Variants in CACNA1C observed in about 807,000 individuals in gnomAD.
CACNA1C encodes the protein voltage-dependent L-type calcium channel subunit alpha-1C.
A neutral mutation model predicts 229.0 loss-of-function variants in CACNA1C; 30 were observed. The observed-to-expected ratio is 0.13, with a 90% CI of 0.10 to 0.18. CACNA1C has a LOEUF of 0.18. Among genes scored for constraint, CACNA1C ranks in the 10% least tolerant of loss-of-function variants. The pLI is 1.00. For missense variants in CACNA1C, 1,658 were observed against 2,845.0 expected (o/e 0.58, Z 9.49); for synonymous variants, 1,114 against 1,132.5 (o/e 0.98, Z 0.33).
At position 2,285,758 on chromosome 12, in the gene CACNA1C, G is replaced by C. The variant is rs576317170; in HGVS notation, c.478-163218G>C. ...CAACCTGTTGCTAACGTGCTCATTC[G>C]AGAGAGGCTGGTGCGCACCTACCCA... On this transcript the variant is annotated intron_variant, in intron 3 of 46. Coordinates refer to ENST00000399655, the MANE Select transcript of CACNA1C (RefSeq NM_000719.7). This position sits in a 1 kb window ranked among gnomAD's most constrained non-coding sequence, Gnocchi z 4.2. Among the ~76,000 whole-genome samples, 1 of 152,144 alleles carries C rather than the reference G, an allele frequency of 6.6e-6. No homozygotes were observed. Among genetic ancestry groups the C allele is most frequent in the Non-Finnish European group, 1.5e-5 (1 of 68,036 alleles).
At chr12:2,621,306 G>A (rs1297763823) in intron 29 of CACNA1C, among the ~76,000 whole-genome samples, 2 of 152,128 alleles carry the variant, frequency 1.3e-5, no homozygotes, top group Non-Finnish European at 2.9e-5. Context: ...GGTCAGGAAG[G>A]CACCATTTCT....
intron 3 of CACNA1C, among the ~76,000 whole-genome samples, chr12:2,331,034 C>G (rs1021593533): frequency 6.6e-6 from 1 of 152,028 alleles, no homozygotes; most frequent in African/African-American, 2.4e-5. Context: ...AAGTACTTAC[C>G]ACGAATGTAG....
chr12:2,231,269 T>C (rs955893845), intron 3 of CACNA1C, among the ~76,000 whole-genome samples: 6 of 152,250 alleles, frequency 3.9e-5, no homozygotes, highest in African/African-American at 1.4e-4. Context: ...CCAGTGCTTT[T>C]AACATAATAG....
chr12:2,216,296 A>G (rs959653467), intron 3 of CACNA1C, among the ~76,000 whole-genome samples: 1 of 152,108 alleles, frequency 6.6e-6, no homozygotes, highest in Non-Finnish European at 1.5e-5. Flanking sequence ...AAAGGACTAG[A>G]TTATAATTAC....
At chr12:2,090,387 G>T (rs534489861) in intron 1 of CACNA1C, among the ~76,000 whole-genome samples, 1 of 128,674 alleles carries the variant, frequency 7.8e-6, no homozygotes, top group East Asian at 2.4e-4. Flanking sequence ...GCATGATCTC[G>T]GCTCACTGCA....
chr12:2,303,321 T>C (rs1592178430), intron 3 of CACNA1C, among the ~76,000 whole-genome samples: 1 of 152,178 alleles, frequency 6.6e-6, no homozygotes, highest in Non-Finnish European at 1.5e-5. Context: ...ATCAAGGTGG[T>C]GCAGGGTTGC....
rs1555574733 is a variant in CACNA1C, at chr12:2,438,359, A to ATGATGATGGTGGTGG, written c.478-10612_478-10611insATGGTGGTGGTGATG. ...GATGATAATGATGATGGTGGTGGTA[A>ATGATGATGGTGGTGG]TGATGGTGGTGGTGGTGATGGTGGT... On this transcript the variant is annotated intron_variant, in intron 3 of 46. Transcript: ENST00000399655. Among the ~76,000 whole-genome samples the ATGATGATGGTGGTGG allele has an allele frequency of 2.1e-3, 284 of 137,266 alleles. 3 individuals carry two copies. The highest frequency in any genetic ancestry group is 7.0e-3 in the African/African-American group (251 of 35,830). 90.1% of individuals were successfully genotyped at this position (137,266 alleles called of 152,430 possible). A position where few individuals can be genotyped will look rare whatever the true frequency, so the allele number is the denominator to read the frequency against.
intron 4 of CACNA1C, 116 bp from the exon 5 acceptor site, chr12:2,457,451 C>A: frequency 9.0e-7 from 1 of 1,116,042 alleles, no homozygotes; most frequent in East Asian, 2.5e-5. Context: ...ACGCCCGCCC[C>A]TGGGCTGGAG....
At chr12:2,175,853 C>T (rs1251831286) in intron 3 of CACNA1C, among the ~76,000 whole-genome samples, 1 of 152,048 alleles carries the variant, frequency 6.6e-6, no homozygotes, top group Non-Finnish European at 1.5e-5. Flanking sequence ...TGAGTTGGTC[C>T]CTTGCAAAGG....
At chr12:2,570,094 T>C (rs1039498438) in intron 13 of CACNA1C, among the ~76,000 whole-genome samples, 6 of 152,218 alleles carry the variant, frequency 3.9e-5, no homozygotes, top group Non-Finnish European at 7.3e-5. Flanking sequence ...TGATCAACCT[T>C]AGAAGACATA....
intron 3 of CACNA1C, among the ~76,000 whole-genome samples, chr12:2,399,323 C>T (rs989320019): frequency 2.6e-5 from 4 of 152,202 alleles, no homozygotes; most frequent in Admixed American, 6.5e-5. Flanking sequence ...CAGCCTTTTA[C>T]CCCCTGTCCT....
At chr12:2,437,788 G>A (rs1449029792) in intron 3 of CACNA1C, among the ~76,000 whole-genome samples, 3 of 149,462 alleles carry the variant, frequency 2.0e-5, no homozygotes, top group African/African-American at 7.5e-5. Context: ...AGGTGGTGAT[G>A]GTGGTGGTGG....
intron 1 of CACNA1C, among the ~76,000 whole-genome samples, chr12:2,092,248 C>T (rs1423697570): frequency 6.6e-6 from 1 of 152,184 alleles, no homozygotes; most frequent in African/African-American, 2.4e-5. Flanking sequence ...ATCCTTGGAA[C>T]AAACAAATGG....
At chr12:2,017,133 T>C (rs1412234217) in intron 1 of CACNA1C, among the ~76,000 whole-genome samples, 1 of 152,104 alleles carries the variant, frequency 6.6e-6, no homozygotes, top group Admixed American at 6.5e-5. Flanking sequence ...CTGGCTACAA[T>C]TTAGAAAATT....
chr12:2,470,078 C>T (rs1388922246), intron 5 of CACNA1C, among the ~76,000 whole-genome samples: 2 of 152,340 alleles, frequency 1.3e-5, no homozygotes, highest in East Asian at 3.9e-4. Context: ...CCTGAGGTGT[C>T]ATGACAGAGT....
At chr12:2,111,692 G>A (rs2081827282) in intron 1 of CACNA1C, among the ~76,000 whole-genome samples, 1 of 152,160 alleles carries the variant, frequency 6.6e-6, no homozygotes, top group Non-Finnish European at 1.5e-5. Context: ...AACTAAAATA[G>A]TCTATTAAAT....
At chr12:2,084,065 T>C (rs1379322540) in intron 1 of CACNA1C, among the ~76,000 whole-genome samples, 2 of 152,230 alleles carry the variant, frequency 1.3e-5, no homozygotes, top group Non-Finnish European at 2.9e-5. Context: ...CTCTTTGGTA[T>C]TAAAATGTCT....
chr12:2,105,527 C>T lies in CACNA1C; in HGVS notation c.50-9697C>T, dbSNP rs1005801303. On this transcript the variant is annotated intron_variant, in intron 1 of 46. Coordinates refer to ENST00000399655, the MANE Select transcript of CACNA1C (RefSeq NM_000719.7). ...TGAAAATAGCTCAGGTAGGAGGAAG[C>T]GCAGTCAGATGCGGCATGGCGGCGG... is the stretch of plus-strand genomic sequence containing the variant. 7.2e-5 allele frequency among the ~76,000 whole-genome samples: 11 copies of T among 152,220 alleles called. No individual in the cohort carries two copies. In the East Asian group the frequency reaches 1.5e-3, roughly 21 times the overall value.
intron 3 of CACNA1C, among the ~76,000 whole-genome samples, chr12:2,341,506 C>A (rs1467776868): frequency 6.6e-6 from 1 of 152,156 alleles, no homozygotes; most frequent in Non-Finnish European, 1.5e-5. Flanking sequence ...GCTGTGCGGG[C>A]CCTGCGTTTC....
Sources: gnomAD v4.1 joint callset for allele counts (sites outside exome capture counted in the v4.1 genomes callset) on GRCh38, gnomAD v4.1.1 for gene constraint, Gnocchi (gnomAD v3.1) non-coding constraint, MANE v1.5 for transcripts, NCBI Gene and HGNC (gene_info 2026-07-23, HGNC 2026-07-21) for gene names.